Variants in PHACTR2 observed in about 807,000 individuals in gnomAD.
PHACTR2 encodes phosphatase and actin regulator 2.
In PHACTR2, 30 loss-of-function variants were observed where a neutral mutation model predicts 76.0. The observed-to-expected ratio is 0.39, with a 90% confidence interval of 0.30 to 0.54. The LOEUF (loss-of-function observed/expected upper bound fraction) is 0.54, where lower values mean the gene tolerates loss of function less well. Ranked by LOEUF, PHACTR2 falls within the 20% of genes least tolerant of loss-of-function variation. The probability of loss-of-function intolerance (pLI) is 0.61; values close to 1 mark genes in which losing one functional copy is unlikely to be tolerated. For missense variants in PHACTR2, 696 were observed against 781.1 expected (o/e 0.89, Z 1.30); for synonymous variants, 292 against 292.5 (o/e 1.00, Z 0.02).
At chr6:143,668,891 GTT>G (rs1194316420) in intron 1 of PHACTR2, among the ~76,000 whole-genome samples, 1 of 152,096 alleles carries the variant, frequency 6.6e-6, no homozygotes, top group Admixed American at 6.5e-5. Flanking sequence ...TCTGGTCTTA[GTT>G]ATTTCTTGTT....
rs775277209 is a variant in PHACTR2 at position 143,548,826 on chromosome 6, T to A, written c.217+11619T>A. Among the ~76,000 whole-genome samples the A allele has an allele frequency of 2.6e-5, 4 of 151,916 alleles. No homozygotes were observed. Among genetic ancestry groups the A allele is most frequent in the Non-Finnish European group, 5.9e-5 (4 of 67,930 alleles). ...AGTAGAGTAAGAAAACTATGTGAAA[T>A]AAGGAAGCATTTTTTTAACATAACA... On this transcript the variant is annotated intron_variant, in intron 1 of 11. Coordinates refer to the PHACTR2 transcript ENST00000367584. The surrounding 1 kb of genome is among the most constrained non-coding windows in gnomAD (Gnocchi z 4.5).
chr6:143,685,066 A>C (rs901029602), intron 1 of PHACTR2, among the ~76,000 whole-genome samples: 1 of 151,956 alleles, frequency 6.6e-6, no homozygotes. Flanking sequence ...CTTGTACCTT[A>C]AGTTTGTTTA....
In PHACTR2 at chr6:143,627,970, C is replaced by A. The variant is rs1309966773; in HGVS notation, c.13+19648C>A. Reference sequence around the variant, plus strand: ...ATTGTCCCCCTCCCCCAGACTCTTGCAAACACCAGTCTGCTTTCTATCTCT... The same window carrying A: ...ATTGTCCCCCTCCCCCAGACTCTTGAAAACACCAGTCTGCTTTCTATCTCT... On this transcript the variant is annotated intron_variant, in intron 1 of 11. Transcript: ENST00000305766. The surrounding 1 kb of genome is among the most constrained non-coding windows in gnomAD (Gnocchi z 4.3). Among the ~76,000 whole-genome samples the A allele has an allele frequency of 6.6e-6, 1 of 152,172 alleles. No homozygotes were observed. The highest frequency in any genetic ancestry group is 6.5e-5 in the Admixed American group (1 of 15,284).
At chr6:143,788,684 T>C in intron 10 of PHACTR2, 89 bp from the exon 11 acceptor site, 1 of 867,394 alleles carries the variant, frequency 1.2e-6, no homozygotes, top group Non-Finnish European at 1.7e-6. Context: ...TATTTAACCA[T>C]AACTTTGAAG....
At chr6:143,815,357 A>T (rs1462438548) in intron 12 of PHACTR2, among the ~76,000 whole-genome samples, 1 of 152,184 alleles carries the variant, frequency 6.6e-6, no homozygotes, top group African/African-American at 2.4e-5. Context: ...TCCAGGCAGC[A>T]GTGAGCTATG....
At chr6:143,604,521 A>T (rs1775846055), upstream of PHACTR2, among the ~76,000 whole-genome samples, 3 of 152,132 alleles carry the variant, frequency 2.0e-5, no homozygotes, top group Non-Finnish European at 1.5e-5. Context: ...GCAGAGTATT[A>T]TTGCCACCTA....
chr6:143,622,401 C>T (rs879608661), intron 1 of PHACTR2, among the ~76,000 whole-genome samples: 5 of 152,170 alleles, frequency 3.3e-5, no homozygotes, highest in Non-Finnish European at 4.4e-5. Flanking sequence ...GTTCTCCTCG[C>T]GTACATCTGG....
rs1291700184 is a variant in PHACTR2, at chr6:143,619,331, T to G, written c.13+11009T>G. 6.6e-6 allele frequency among the ~76,000 whole-genome samples: 1 copy of G among 152,228 alleles called. No homozygotes were observed. The highest frequency in any genetic ancestry group is 1.5e-5 in the Non-Finnish European group (1 of 68,036). ...AGAAATGCTTCACAGATGATTCCTC[T>G]ACGCCCTGGTGAGACCCATTATCGG... On this transcript the variant is annotated intron_variant, in intron 1 of 11. Coordinates refer to the PHACTR2 transcript ENST00000305766. This position sits in a 1 kb window ranked among gnomAD's most constrained non-coding sequence, Gnocchi z 4.5.
Position 143,726,659 on chromosome 6 carries a change from C to T in PHACTR2, c.214+14476C>T, listed in dbSNP as rs557080467. On this transcript the variant is annotated intron_variant, in intron 2 of 12. Coordinates refer to ENST00000440869, the MANE Select transcript of PHACTR2 (RefSeq NM_001100164.2). ...TTAAATCCATTCATTGGTCAGTGGA[C>T]ATTTGGGCTGCATCCATCTCTTGGC... Among the ~76,000 whole-genome samples the T allele has an allele frequency of 5.3e-5, 8 of 152,278 alleles. No homozygotes were observed. In the South Asian group the frequency reaches 1.7e-3, roughly 32 times the overall value.
rs1417855780 is a variant in PHACTR2, at chr6:143,697,443, C to A, written c.47-14573C>A. On this transcript the variant is annotated intron_variant, in intron 1 of 12. Coordinates refer to ENST00000440869, the MANE Select transcript of PHACTR2 (RefSeq NM_001100164.2). This position sits in a 1 kb window ranked among gnomAD's most constrained non-coding sequence, Gnocchi z 4.4. ...ACTCATCACCGGGTGAAAATAGAAA[C>A]TTCTTAAAAGACAATTTCACATATA... Among the ~76,000 whole-genome samples the A allele has an allele frequency of 6.6e-6, 1 of 152,156 alleles. No homozygotes were observed. The highest frequency in any genetic ancestry group is 1.5e-5 in the Non-Finnish European group (1 of 68,014).
rs1429161232 is a variant in PHACTR2, at chr6:143,558,320, T to A, written c.217+21113T>A. 6.6e-6 allele frequency among the ~76,000 whole-genome samples: 1 copy of A among 152,162 alleles called. No homozygotes were observed. On this transcript the variant is annotated intron_variant, in intron 1 of 11. Transcript: ENST00000367584. The surrounding 1 kb of genome is among the most constrained non-coding windows in gnomAD (Gnocchi z 4.7). ...GTTTTAAGAAAGAGTTTTCCCCTAT[T>A]TACATGTAAAAATATGATAGGAGAA...
rs1309966773 is a variant in PHACTR2, at chr6:143,627,970, C to T, written c.13+19648C>T. The stretch of plus-strand genomic sequence containing the variant: ...ATTGTCCCCCTCCCCCAGACTCTTG[C>T]AAACACCAGTCTGCTTTCTATCTCT... On this transcript the variant is annotated intron_variant, in intron 1 of 11. Transcript: ENST00000305766. The surrounding 1 kb of genome is among the most constrained non-coding windows in gnomAD (Gnocchi z 4.3). 3.9e-5 allele frequency among the ~76,000 whole-genome samples: 6 copies of T among 152,172 alleles called. No homozygotes were observed. Among genetic ancestry groups the T allele is most frequent in the Admixed American group, 3.9e-4 (6 of 15,284 alleles).
Position 143,822,138 on chromosome 6 carries a change from T to C in PHACTR2, c.1923-1536T>C, listed in dbSNP as rs1412811330. ...GCTAGAACCATGAGTTGGGCCACTTTCTGAAAAGCCTTACTTGCTACTCCA... is the reference window on the plus strand; with the variant it reads ...GCTAGAACCATGAGTTGGGCCACTTCCTGAAAAGCCTTACTTGCTACTCCA... On this transcript the variant is annotated intron_variant, in intron 12 of 12. Transcript: ENST00000440869. This position sits in a 1 kb window ranked among gnomAD's most constrained non-coding sequence, Gnocchi z 5.5. Among the ~76,000 whole-genome samples, 2 of 152,212 alleles carry C rather than the reference T, an allele frequency of 1.3e-5. No individual in the cohort carries two copies. Among genetic ancestry groups the C allele is most frequent in the African/African-American group, 4.8e-5 (2 of 41,460 alleles).
In PHACTR2 at chr6:143,827,158, ATATATATATATATATATATATATAT is replaced by A. The variant is rs1776553643; in HGVS notation, c.*3470_*3494del. 1 of 33,816 alleles carries A rather than the reference ATATATATATATATATATATATATAT, an allele frequency of 3.0e-5. No homozygotes were observed. The highest frequency in any genetic ancestry group is 1.2e-4 in the African/African-American group (1 of 8,146). 2.1% of individuals were successfully genotyped at this position (33,816 alleles called of 1,614,324 possible). ...CTGCGTTGGCATTAAAAAAGAAAAT[ATATATATATATATATATATATATAT>A]ATATATATATATATATGTATATTAT... On this transcript the variant is annotated 3_prime_UTR_variant, in exon 13 of 13. Transcript: ENST00000440869.
intron 1 of PHACTR2, among the ~76,000 whole-genome samples, chr6:143,640,717 A>G (rs1776549745): frequency 6.6e-6 from 1 of 152,232 alleles, no homozygotes; most frequent in East Asian, 1.9e-4. Context: ...TACAAGGGAC[A>G]TTCTCAAGCA....
intron 1 of PHACTR2, among the ~76,000 whole-genome samples, chr6:143,544,642 G>T (rs1443365937): frequency 2.6e-5 from 4 of 152,260 alleles, no homozygotes; most frequent in East Asian, 3.9e-4. Flanking sequence ...CCATTGTAAG[G>T]CTTACTGTGC....
chr6:143,609,313 G>A (rs1261788596), intron 1 of PHACTR2, among the ~76,000 whole-genome samples: 1 of 152,184 alleles, frequency 6.6e-6, no homozygotes, highest in Admixed American at 6.5e-5. Flanking sequence ...CGTGTATTAG[G>A]TTCTTTTATG....
chr6:143,651,866 A>AAT (rs763870633), intron 1 of PHACTR2, among the ~76,000 whole-genome samples: 7 of 150,674 alleles, frequency 4.6e-5, no homozygotes, highest in African/African-American at 9.7e-5. Context: ...AAAAATATAT[A>AAT]ATATATATAT....
Position 143,730,851 on chromosome 6 carries a change from G to T in PHACTR2, c.215-18134G>T, listed in dbSNP as rs142342326. ...TAACCTCCGCCTCTTGGGTTCAAGC[G>T]ATTCTCCTGCTTCAGCCTCCTGAGT... is the stretch of plus-strand genomic sequence containing the variant. On this transcript the variant is annotated intron_variant, in intron 2 of 12. Transcript: ENST00000440869. This position sits in a 1 kb window ranked among gnomAD's most constrained non-coding sequence, Gnocchi z 4.8. Among the ~76,000 whole-genome samples, 1 of 152,150 alleles carries T rather than the reference G, an allele frequency of 6.6e-6. No homozygotes were observed. Among genetic ancestry groups the T allele is most frequent in the Non-Finnish European group, 1.5e-5 (1 of 68,022 alleles).
Sources: allele counts gnomAD v4.1 joint callset (sites outside exome capture counted in the v4.1 genomes callset), GRCh38; gene constraint gnomAD v4.1.1; non-coding constraint Gnocchi (gnomAD v3.1); transcripts MANE v1.5; gene names NCBI Gene and HGNC (gene_info 2026-07-23, HGNC 2026-07-21).